Variants in ZNF385B observed in about 807,000 individuals in gnomAD.
ZNF385B encodes the protein zinc finger protein 533.
A neutral mutation model predicts 39.2 loss-of-function variants in ZNF385B; 23 were observed. That is an observed-to-expected ratio of 0.59 (90% CI 0.42 to 0.83). The LOEUF is 0.83. Among genes scored for constraint, ZNF385B ranks in the 40% least tolerant of loss-of-function variants. The pLI is 0.00. For missense variants in ZNF385B, 552 were observed against 598.9 expected (o/e 0.92, Z 0.82); for synonymous variants, 205 against 222.6 (o/e 0.92, Z 0.70).
intron 5 of ZNF385B, among the ~76,000 whole-genome samples, chr2:179,518,085 T>C (rs2058214997): frequency 1.3e-5 from 2 of 152,176 alleles, no homozygotes; most frequent in South Asian, 2.1e-4. Flanking sequence ...ACTTTTTTCA[T>C]ATTTTCTGAT....
chr2:179,603,430 T>C (rs1212393640), intron 3 of ZNF385B, among the ~76,000 whole-genome samples: 2 of 152,196 alleles, frequency 1.3e-5, no homozygotes, highest in Non-Finnish European at 2.9e-5. Context: ...GGTAAAGCTT[T>C]GGTCTTTTAA....
chr2:179,639,345 T>C (rs1352427590), intron 3 of ZNF385B, among the ~76,000 whole-genome samples: 1 of 151,876 alleles, frequency 6.6e-6, no homozygotes, highest in Non-Finnish European at 1.5e-5. Flanking sequence ...ATCTATTGTA[T>C]AGCATGGTGA....
intron 3 of ZNF385B, among the ~76,000 whole-genome samples, chr2:179,733,900 C>A (rs1701567629): frequency 6.6e-6 from 1 of 152,114 alleles, no homozygotes; most frequent in South Asian, 2.1e-4. Flanking sequence ...CCCAGTCTCC[C>A]ATGAAATAAA....
chr2:179,644,498 G>T (rs897996232), intron 3 of ZNF385B, among the ~76,000 whole-genome samples: 1 of 152,118 alleles, frequency 6.6e-6, no homozygotes, highest in African/African-American at 2.4e-5. Flanking sequence ...CAGAAAAGCT[G>T]CCCTTTGTTA....
intron 3 of ZNF385B, among the ~76,000 whole-genome samples, chr2:179,566,501 G>A (rs1453463563): frequency 1.3e-5 from 2 of 152,106 alleles, no homozygotes; most frequent in East Asian, 3.8e-4. Flanking sequence ...TATATTTTAA[G>A]ACAAACTCAG....
chr2:179,777,467 C>A (rs1008901208), intron 1 of ZNF385B, among the ~76,000 whole-genome samples: 1 of 151,994 alleles, frequency 6.6e-6, no homozygotes, highest in African/African-American at 2.4e-5. Flanking sequence ...ATGGACAAAA[C>A]ATATACATAC....
intron 3 of ZNF385B, among the ~76,000 whole-genome samples, chr2:179,742,722 T>C (rs1348574640): frequency 6.6e-6 from 1 of 152,026 alleles, no homozygotes; most frequent in Non-Finnish European, 1.5e-5. Flanking sequence ...ACTCTATAAA[T>C]TGCCCAAATT....
chr2:179,604,253 A>C (rs1379309803), intron 3 of ZNF385B, among the ~76,000 whole-genome samples: 1 of 152,164 alleles, frequency 6.6e-6, no homozygotes, highest in Non-Finnish European at 1.5e-5. Flanking sequence ...CAATAAATTT[A>C]AAAGCTGACT....
chr2:179,696,326 C>CTTTATTTTTTTT (rs1698744523), intron 3 of ZNF385B, among the ~76,000 whole-genome samples: 3 of 40,354 alleles, frequency 7.4e-5, no homozygotes, highest in African/African-American at 2.1e-4. Flanking sequence ...CAAACTGGGA[C>CTTTATTTTTTTT]TTTTTTTTTT....
chr2:179,545,130 G>A (rs1432057798), intron 3 of ZNF385B, among the ~76,000 whole-genome samples, 161 bp from the exon 4 acceptor site: 1 of 152,188 alleles, frequency 6.6e-6, no homozygotes, highest in African/African-American at 2.4e-5. Flanking sequence ...CAATAAAAAG[G>A]ATCTTCCTCC....
chr2:179,840,567 G>A (rs1708487254), intron 1 of ZNF385B, among the ~76,000 whole-genome samples: 1 of 152,160 alleles, frequency 6.6e-6, no homozygotes, highest in Non-Finnish European at 1.5e-5. Context: ...CCAGCATTTG[G>A]TGGTTTACAC....
At chr2:179,783,612 T>C (rs1011963662) in intron 1 of ZNF385B, among the ~76,000 whole-genome samples, 2 of 151,924 alleles carry the variant, frequency 1.3e-5, no homozygotes, top group Non-Finnish European at 2.9e-5. Flanking sequence ...CTAGCATCTA[T>C]AAGGAATTTA....
intron 1 of ZNF385B, among the ~76,000 whole-genome samples, chr2:179,795,629 A>ATT (rs147150906): frequency 2.4e-4 from 37 of 151,762 alleles, no homozygotes; most frequent in South Asian, 6.2e-4. Context: ...ATTCTCTTAC[A>ATT]TTTTTTTTTC....
intron 3 of ZNF385B, among the ~76,000 whole-genome samples, chr2:179,755,362 A>G (rs923818085): frequency 6.6e-6 from 1 of 152,156 alleles, no homozygotes; most frequent in African/African-American, 2.4e-5. Context: ...CTATGTGGTC[A>G]ATTTTGGAAT....
intron 3 of ZNF385B, among the ~76,000 whole-genome samples, chr2:179,686,415 T>C (rs1382393097): frequency 1.3e-5 from 2 of 152,194 alleles, no homozygotes; most frequent in East Asian, 1.9e-4. Context: ...AAAATTGACA[T>C]TGAAAAGAGA....
intron 6 of ZNF385B, among the ~76,000 whole-genome samples, chr2:179,464,052 G>T (rs182437003): frequency 6.6e-6 from 1 of 152,110 alleles, no homozygotes; most frequent in African/African-American, 2.4e-5. Context: ...TCTAACTGGC[G>T]TGAGATGGTA....
At chr2:179,483,838 C>T (rs983349299) in intron 5 of ZNF385B, among the ~76,000 whole-genome samples, 1 of 152,190 alleles carries the variant, frequency 6.6e-6, no homozygotes, top group Admixed American at 6.5e-5. Flanking sequence ...TTCCCTTCAA[C>T]TAAAATCCTG....
At position 179,545,012 on chromosome 2, in the gene ZNF385B, A is replaced by C. The variant is rs769601941; in HGVS notation, c.299-43T>G. 10 of 1,612,268 alleles carry C rather than the reference A, an allele frequency of 6.2e-6. 1 individual carries two copies. In the East Asian group the frequency reaches 6.7e-5, roughly 11 times the overall value. On this transcript the variant is annotated intron_variant, in intron 3 of 9. Transcript: ENST00000410066. ...AAAATGAATTCAATTTCTTGCTCACATCCATCTCCCTCCCAAACCTACAGT... is the reference window on the plus strand; with the variant it reads ...AAAATGAATTCAATTTCTTGCTCACCTCCATCTCCCTCCCAAACCTACAGT...
At chr2:179,654,954 A>G (rs895867490) in intron 3 of ZNF385B, among the ~76,000 whole-genome samples, 4 of 152,166 alleles carry the variant, frequency 2.6e-5, no homozygotes, top group African/African-American at 9.7e-5. Flanking sequence ...AGGCATATGG[A>G]GACAGAATCT....
Sources: gnomAD v4.1 joint callset for allele counts (sites outside exome capture counted in the v4.1 genomes callset) on GRCh38, gnomAD v4.1.1 for gene constraint, MANE v1.5 for transcripts, NCBI Gene and HGNC (gene_info 2026-07-23, HGNC 2026-07-21) for gene names.